RBFOX1: variants seen among roughly 807,000 people sequenced by gnomAD.
The protein encoded by RBFOX1 is RNA binding fox-1 homolog 1, also known as RNA binding protein fox-1 homolog 1.
A neutral mutation model predicts 57.7 loss-of-function variants in RBFOX1; 8 were observed. The ratio of observed to expected loss-of-function variants is 0.14; its 90% CI spans 0.08 to 0.25. The LOEUF is 0.25. Ranked by LOEUF, RBFOX1 falls within the 10% of genes least tolerant of loss-of-function variation. RBFOX1 has a pLI of 1.00. For missense variants in RBFOX1, 611 were observed against 548.5 expected (o/e 1.11, Z -1.14); for synonymous variants, 326 against 222.4 (o/e 1.47, Z -4.15).
rs1403993715 is a variant in RBFOX1, at chr16:6,200,754, T to C, written c.-126-116241T>C. On this transcript the variant is annotated intron_variant, in intron 1 of 15. Transcript: ENST00000550418. Reference sequence around the variant, plus strand: ...TGTCTTGTGTGTTATTGTGATGGGATAGACAAGGGGACTTACCTGAAACCA... The same window carrying C: ...TGTCTTGTGTGTTATTGTGATGGGACAGACAAGGGGACTTACCTGAAACCA... 3.3e-5 allele frequency among the ~76,000 whole-genome samples: 5 copies of C among 152,136 alleles called. No homozygotes were observed. The East Asian group carries it at 9.6e-4, about 29-fold the overall frequency.
intron 2 of RBFOX1, among the ~76,000 whole-genome samples, chr16:6,618,212 C>G (rs1403827706): frequency 6.6e-6 from 1 of 152,150 alleles, no homozygotes; most frequent in Non-Finnish European, 1.5e-5. Context: ...GCCTAGTGGT[C>G]TACCCATCAC....
intron 3 of RBFOX1, among the ~76,000 whole-genome samples, chr16:6,817,417 G>C (rs931787607): frequency 5.3e-5 from 8 of 151,866 alleles, no homozygotes; most frequent in African/African-American, 1.9e-4. Context: ...CTTTTAGCTG[G>C]ACGCAGTGGC....
intron 3 of RBFOX1, among the ~76,000 whole-genome samples, chr16:6,659,959 T>G (rs953708026): frequency 6.6e-6 from 1 of 152,144 alleles, no homozygotes; most frequent in Non-Finnish European, 1.5e-5. Flanking sequence ...GGCTGGGCAC[T>G]GTGGCTCATG....
chr16:7,085,615 G>T (rs940900191), intron 4 of RBFOX1, among the ~76,000 whole-genome samples: 12 of 152,052 alleles, frequency 7.9e-5, no homozygotes, highest in Non-Finnish European at 1.5e-4. Flanking sequence ...AAAGAGTAGG[G>T]TGCTTAGTTA....
At chr16:5,523,030 G>T (rs971911225) in intron 2 of RBFOX1, among the ~76,000 whole-genome samples, 5 of 152,146 alleles carry the variant, frequency 3.3e-5, no homozygotes, top group Admixed American at 6.5e-5. Context: ...ACTCACACCT[G>T]TAATACCAGT....
intron 4 of RBFOX1, among the ~76,000 whole-genome samples, chr16:7,465,516 A>G (rs2060357592): frequency 6.6e-6 from 1 of 152,224 alleles, no homozygotes; most frequent in African/African-American, 2.4e-5. Context: ...TTCTGTCCCC[A>G]AGTCCATGGA....
At chr16:6,031,717 G>T (rs1414864852) in intron 1 of RBFOX1, among the ~76,000 whole-genome samples, 1 of 152,244 alleles carries the variant, frequency 6.6e-6, no homozygotes, top group Non-Finnish European at 1.5e-5. Context: ...CAGTATGACA[G>T]TGGGGAGATT....
chr16:6,659,377 C>T (rs947810423), intron 3 of RBFOX1, among the ~76,000 whole-genome samples: 1 of 151,914 alleles, frequency 6.6e-6, no homozygotes, highest in African/African-American at 2.4e-5. Context: ...CAGATTGGGT[C>T]CAATTGAAGG....
intron 3 of RBFOX1, among the ~76,000 whole-genome samples, chr16:6,921,572 T>C (rs1461383693): frequency 6.6e-6 from 1 of 151,926 alleles, no homozygotes. Context: ...ACATGGCAGC[T>C]TGCTTCTTCA....
chr16:6,907,080 T>G (rs544444873), intron 3 of RBFOX1, among the ~76,000 whole-genome samples: 8 of 152,284 alleles, frequency 5.3e-5, no homozygotes, highest in African/African-American at 1.9e-4. Context: ...CATCTCCGTA[T>G]TCCAAGGATT....
At chr16:5,498,008 G>A (rs963737857) in intron 2 of RBFOX1, among the ~76,000 whole-genome samples, 8 of 152,196 alleles carry the variant, frequency 5.3e-5, no homozygotes, top group Admixed American at 4.6e-4. Flanking sequence ...GGAAGATGGG[G>A]AAAGCTGTCA....
At chr16:5,418,671 C>A (rs1056337419) in intron 1 of RBFOX1, among the ~76,000 whole-genome samples, 1 of 152,144 alleles carries the variant, frequency 6.6e-6, no homozygotes, top group Non-Finnish European at 1.5e-5. Context: ...TCCCTTCCCC[C>A]TTCTTTCCTC....
chr16:5,879,295 A>G (rs993854976), intron 4 of RBFOX1, among the ~76,000 whole-genome samples: 5 of 152,204 alleles, frequency 3.3e-5, no homozygotes, highest in African/African-American at 1.2e-4. Context: ...CAGAAGCTGG[A>G]GGGAGAAACT....
intron 2 of RBFOX1, among the ~76,000 whole-genome samples, chr16:6,405,617 T>C (rs1399292902): frequency 6.6e-6 from 1 of 152,162 alleles, no homozygotes; most frequent in Admixed American, 6.5e-5. Flanking sequence ...AATGCTGCTC[T>C]TCTGTAGCCA....
At chr16:7,466,032 C>G (rs2060459313) in intron 4 of RBFOX1, among the ~76,000 whole-genome samples, 1 of 152,170 alleles carries the variant, frequency 6.6e-6, no homozygotes, top group Non-Finnish European at 1.5e-5. Context: ...TCTGTGTTTT[C>G]TGATCCTGAG....
At chr16:6,371,371 A>G (rs986677635) in intron 2 of RBFOX1, among the ~76,000 whole-genome samples, 2 of 152,144 alleles carry the variant, frequency 1.3e-5, no homozygotes, top group African/African-American at 2.4e-5. Context: ...CTATATATAT[A>G]CATTTAATTA....
intron 1 of RBFOX1, among the ~76,000 whole-genome samples, chr16:5,464,129 G>A (rs914099051): frequency 6.6e-6 from 1 of 152,196 alleles, no homozygotes; most frequent in Admixed American, 6.5e-5. Flanking sequence ...GGAGGGGAAG[G>A]AGGCACAGCT....
intron 4 of RBFOX1, among the ~76,000 whole-genome samples, chr16:5,921,727 C>CA (rs2058826347): frequency 6.6e-6 from 1 of 152,006 alleles, no homozygotes; most frequent in African/African-American, 2.4e-5. Context: ...AGCGTAGTGC[C>CA]AGAATCTGCT....
chr16:7,367,861 T>A (rs1009248260), intron 4 of RBFOX1, among the ~76,000 whole-genome samples: 8 of 149,234 alleles, frequency 5.4e-5, no homozygotes, highest in African/African-American at 2.0e-4. Context: ...TATATGTGCA[T>A]GAGCACGTGC....
Sources: allele counts gnomAD v4.1 joint callset (sites outside exome capture counted in the v4.1 genomes callset), GRCh38; gene constraint gnomAD v4.1.1; transcripts MANE v1.5; gene names NCBI Gene and HGNC (gene_info 2026-07-23, HGNC 2026-07-21).